The following CASP9 variants were observed in gnomAD, a reference collection of about 807,000 sequenced individuals.
CASP9 encodes the protein caspase 9, also known as caspase-9.
CASP9 carries 29 observed loss-of-function variants against 43.5 expected under a neutral mutation model. The observed-to-expected ratio is 0.67, with a 90% CI of 0.50 to 0.91. The LOEUF is 0.91. Ranked by LOEUF, CASP9 falls within the 40% of genes least tolerant of loss-of-function variation. CASP9 has a pLI of 0.00. For synonymous variants in CASP9, 206 were observed against 211.9 expected (o/e 0.97, Z 0.24); for missense variants, 575 against 537.4 (o/e 1.07, Z -0.69).
At chr1:15,521,176 A>T (rs987643496) in intron 1 of CASP9, among the ~76,000 whole-genome samples, 12 of 134,804 alleles carry the variant, frequency 8.9e-5, no homozygotes, top group Non-Finnish European at 3.2e-5. Flanking sequence ...AAAAAAAAAA[A>T]GGAAAATAGC....
Position 15,507,920 on chromosome 1 carries a change from A to C in CASP9, c.419-13T>G. On this transcript the variant is annotated splice_polypyrimidine_tract_variant and intron_variant, in intron 2 of 8. Transcript: ENST00000333868. ...CTCTCAAGAGCACCTGAAGAGGCAG[A>C]GAAAGAGAGAAACATGAATGTTGGG... 1.2e-6 allele frequency: 2 copies of C among 1,614,072 alleles called. No homozygotes were observed. Among genetic ancestry groups the C allele is most frequent in the Non-Finnish European group, 1.7e-6 (2 of 1,179,916 alleles).
chr1:15,511,933 G>C (rs4646027), intron 2 of CASP9, among the ~76,000 whole-genome samples: 1 of 152,190 alleles, frequency 6.6e-6, no homozygotes, highest in East Asian at 1.9e-4. Context: ...GAAGGAAGCA[G>C]AGCTGACCAA....
chr1:15,506,461 C>T (rs941112625), intron 4 of CASP9, among the ~76,000 whole-genome samples: 1 of 151,726 alleles, frequency 6.6e-6, no homozygotes, highest in African/African-American at 2.4e-5. Context: ...GTGCCCCCGC[C>T]CCCCCCAAAA....
rs772789135 is a variant in CASP9 at position 15,492,163 on chromosome 1, T to C, written c.*780A>G. 6.6e-5 allele frequency: 10 copies of C among 151,930 alleles called. No homozygotes were observed. Among genetic ancestry groups the C allele is most frequent in the African/African-American group, 1.7e-4 (7 of 41,320 alleles). The allele number at this position is 151,930 out of a possible 1,614,324, so 9.4% of individuals were successfully genotyped here. On this transcript the variant is annotated 3_prime_UTR_variant, in exon 9 of 9. Coordinates refer to ENST00000333868, the MANE Select transcript of CASP9 (RefSeq NM_001229.5). ...GAGTTTGAGACCAGCCTGGGCAACA[T>C]AGCGAGACCCCAGAAAAACATGGGG...
chr1:15,518,210 A>G lies in CASP9; in HGVS notation c.318T>C (p.Leu106=), dbSNP rs1710031121. The part of the protein sequence containing the change: ...AKLSKPTLEN[L]TPVVLRPEIR... ...TCTCTGGTCTGAGCACCACTGGGGT[A>G]AGGTTTTCTAGGGTTGGCTTCGACA... The change falls in exon 2 of 9, where the codon CTT becomes CTC. Residue 106 remains leucine, a synonymous_variant. Coordinates refer to ENST00000333868, the MANE Select transcript of CASP9 (RefSeq NM_001229.5). 1 of 1,614,204 alleles carries G rather than the reference A, an allele frequency of 6.2e-7. No homozygotes were observed. Among genetic ancestry groups the G allele is most frequent in the African/African-American group, 1.3e-5 (1 of 75,042 alleles).
upstream of CASP9, chr1:15,524,587 C>T: frequency 3.1e-6 from 3 of 966,598 alleles, no homozygotes; most frequent in Non-Finnish European, 3.8e-6. Flanking sequence ...ACTGACCTCA[C>T]GTCACCGCCC....
At chr1:15,516,299 G>A (rs1326551361) in intron 2 of CASP9, among the ~76,000 whole-genome samples, 1 of 151,278 alleles carries the variant, frequency 6.6e-6, no homozygotes, top group East Asian at 1.9e-4. Flanking sequence ...AGACCAGCCT[G>A]GGCCACATGG....
intron 2 of CASP9, among the ~76,000 whole-genome samples, chr1:15,508,152 A>C (rs567529437): frequency 1.3e-5 from 2 of 152,234 alleles, no homozygotes; most frequent in South Asian, 4.1e-4. Flanking sequence ...AAACGGGCAC[A>C]AAAGACTTGG....
intron 2 of CASP9, among the ~76,000 whole-genome samples, chr1:15,508,620 G>T (rs1709615595): frequency 6.6e-6 from 1 of 152,000 alleles, no homozygotes; most frequent in Non-Finnish European, 1.5e-5. Context: ...TCACCATGTT[G>T]GCCAGGCTAG....
intron 6 of CASP9, among the ~76,000 whole-genome samples, chr1:15,498,742 C>CTTTTTTTTTTTTTT (rs1218849159): frequency 1.2e-5 from 1 of 83,494 alleles, no homozygotes. Context: ...TGAAAGTGAT[C>CTTTTTTTTTTTTTT]TTTTTTTTTT....
chr1:15,517,704 G>A (rs139001919), intron 2 of CASP9, among the ~76,000 whole-genome samples: 138 of 152,252 alleles, frequency 9.1e-4, no homozygotes, highest in African/African-American at 3.2e-3. Context: ...ATACTTTGCA[G>A]ATGTCTGTTT....
chr1:15,502,119 AGGCTGGGGGCCTGGCTGCAGGGTAGGCCT>A (rs1709352324), intron 6 of CASP9, among the ~76,000 whole-genome samples: 1 of 152,164 alleles, frequency 6.6e-6, no homozygotes. Flanking sequence ...GCTCTGTGCC[AGGCTGGGGGCCTGGCTGCAGGGTAGGCCT>A]GGCCCTCCCC....
chr1:15,517,033 A>C (rs1022243498), intron 2 of CASP9, among the ~76,000 whole-genome samples: 2 of 152,218 alleles, frequency 1.3e-5, no homozygotes, highest in Admixed American at 1.3e-4. Flanking sequence ...TGCCTGGCAA[A>C]TAGCAATTAC....
rs184954615 is a variant in CASP9, at chr1:15,510,491, C to T, written c.419-2584G>A. On this transcript the variant is annotated intron_variant, in intron 2 of 8. Coordinates refer to ENST00000333868, the MANE Select transcript of CASP9 (RefSeq NM_001229.5). ...GAACATTTGCTCATTTCCAAAATTC[C>T]GCTGTACCCCAAAAATATAACTACT... 5.1e-4 allele frequency among the ~76,000 whole-genome samples: 78 copies of T among 152,232 alleles called. 2 individuals carry two copies. The highest frequency in any genetic ancestry group is 1.6e-3 in the African/African-American group (67 of 41,518).
chr1:15,523,314 G>A (rs1307235740), intron 1 of CASP9, among the ~76,000 whole-genome samples: 1 of 152,232 alleles, frequency 6.6e-6, no homozygotes, highest in Non-Finnish European at 1.5e-5. Flanking sequence ...CCTTATGACA[G>A]TATTATTCTT....
In CASP9 at chr1:15,506,148, C is replaced by T. The variant is rs1709511506; in HGVS notation, c.631-69G>A. 1.3e-5 allele frequency: 14 copies of T among 1,085,194 alleles called. No homozygotes were observed. In the South Asian group the frequency reaches 1.5e-4, roughly 12 times the overall value. 67.2% of individuals were successfully genotyped at this position (1,085,194 alleles called of 1,614,324 possible). A position where few individuals can be genotyped will look rare whatever the true frequency, so the allele number is the denominator to read the frequency against. On this transcript the variant is annotated intron_variant, in intron 4 of 8. Transcript: ENST00000333868. ...TAGATGCAGACTGGACCGTTCCTAA[C>T]AATAAAAGGGCCCAGCCTGGCCAGG...
At position 15,518,096 on chromosome 1, in the gene CASP9, C is replaced by T. The variant is rs756339541; in HGVS notation, c.418+14G>A. 3.1e-6 allele frequency: 5 copies of T among 1,612,976 alleles called. No individual in the cohort carries two copies. The highest frequency in any genetic ancestry group is 3.4e-4 in the Middle Eastern group (2 of 5,902). ...GTGTCATGCCCACCCACCAATCACT[C>T]TCTTGCTACTTACCGACATCACCAA... On this transcript the variant is annotated intron_variant, in intron 2 of 8. Coordinates refer to ENST00000333868, the MANE Select transcript of CASP9 (RefSeq NM_001229.5).
intron 6 of CASP9, among the ~76,000 whole-genome samples, chr1:15,498,399 G>C (rs1440172794): frequency 6.6e-6 from 1 of 151,850 alleles, no homozygotes; most frequent in Non-Finnish European, 1.5e-5. Context: ...CTGTTGCCCA[G>C]ATTGAAGTGG....
rs1708937379 is a variant in CASP9, at chr1:15,492,756, C to T, written c.*187G>A. 6 of 748,692 alleles carry T rather than the reference C, an allele frequency of 8.0e-6. No individual in the cohort carries two copies. The highest frequency in any genetic ancestry group is 1.1e-5 in the Non-Finnish European group (5 of 468,320). 46.4% of individuals were successfully genotyped at this position (748,692 alleles called of 1,614,324 possible). On this transcript the variant is annotated 3_prime_UTR_variant, in exon 9 of 9. Transcript: ENST00000333868. Reference sequence around the variant, plus strand: ...CGGCATTCATCTGTCCCTCTTCCTCCACTGTTCAGCACTTGTCGTCAATCT... The same window carrying T: ...CGGCATTCATCTGTCCCTCTTCCTCTACTGTTCAGCACTTGTCGTCAATCT...
Sources: allele counts gnomAD v4.1 joint callset (sites outside exome capture counted in the v4.1 genomes callset), GRCh38; gene constraint gnomAD v4.1.1; transcripts MANE v1.5; gene names NCBI Gene and HGNC (gene_info 2026-07-23, HGNC 2026-07-21).